PIGX: variants seen among roughly 807,000 people sequenced by gnomAD.
PIGX encodes the protein GPI alpha-1,4-mannosyltransferase I, stabilizing subunit.
PIGX carries 24 observed loss-of-function variants against 28.7 expected under a neutral mutation model. The ratio of observed to expected loss-of-function variants is 0.84; its 90% CI spans 0.60 to 1.17. PIGX has a LOEUF of 1.17. PIGX is among the 50% of genes most tolerant of loss of function. The pLI is 0.00. For missense variants in PIGX, 305 were observed against 317.8 expected (o/e 0.96, Z 0.31); for synonymous variants, 127 against 121.0 (o/e 1.05, Z -0.33).
chr3:196,712,701 C>A, intron 1 of PIGX, 57 bp downstream of exon 1: 1 of 1,159,192 alleles, frequency 8.6e-7, no homozygotes, highest in Non-Finnish European at 1.1e-6. Flanking sequence ...GCTCCCGGGC[C>A]TCTCGGCGGG....
chr3:196,717,371 T>A (rs1712143067), intron 2 of PIGX, among the ~76,000 whole-genome samples: 1 of 152,082 alleles, frequency 6.6e-6, no homozygotes, highest in Non-Finnish European at 1.5e-5. Context: ...GTTCACACTT[T>A]GAAATAATGA....
rs1208192634 is a variant in PIGX at position 196,732,218 on chromosome 3, A to ATTTT, written c.633+1127_633+1128insTTTT. Among the ~76,000 whole-genome samples, 5 of 15,872 alleles carry ATTTT rather than the reference A, an allele frequency of 3.2e-4. 1 individual carries two copies. The highest frequency in any genetic ancestry group is 5.1e-4 in the Non-Finnish European group (5 of 9,748). The allele number at this position is 15,872 out of a possible 152,430, so 10.4% of individuals were successfully genotyped here. A position where few individuals can be genotyped will look rare whatever the true frequency, so the allele number is the denominator to read the frequency against. ...TTTTAACTATATGTATATATTATTTATATATATATATATATATATATATAT... is the reference window on the plus strand; with the variant it reads ...TTTTAACTATATGTATATATTATTTATTTTTATATATATATATATATATATATAT... On this transcript the variant is annotated intron_variant, in intron 5 of 5. Transcript: ENST00000392391.
intron 1 of PIGX, among the ~76,000 whole-genome samples, chr3:196,715,555 T>C (rs1328837527): frequency 1.3e-5 from 2 of 152,270 alleles, no homozygotes; most frequent in East Asian, 3.8e-4. Context: ...TTTTCATTCC[T>C]TCAAATAGTT....
chr3:196,724,175 T>G (rs531691894), intron 3 of PIGX, among the ~76,000 whole-genome samples: 1 of 151,946 alleles, frequency 6.6e-6, no homozygotes, highest in Non-Finnish European at 1.5e-5. Context: ...CCACCATGCC[T>G]GGCTAATTTT....
intron 3 of PIGX, among the ~76,000 whole-genome samples, chr3:196,726,407 A>T (rs1712523343): frequency 6.6e-6 from 1 of 152,210 alleles, no homozygotes; most frequent in African/African-American, 2.4e-5. Context: ...TTGAGGCTGC[A>T]GTGCACCCTG....
intron 3 of PIGX, among the ~76,000 whole-genome samples, chr3:196,723,022 G>A (rs1167485435): frequency 6.6e-6 from 1 of 152,184 alleles, no homozygotes; most frequent in Admixed American, 6.5e-5. Flanking sequence ...TAACAACCCT[G>A]GAGGTGGAAT....
At chr3:196,714,498 T>C (rs922694919) in intron 1 of PIGX, among the ~76,000 whole-genome samples, 1 of 149,078 alleles carries the variant, frequency 6.7e-6, no homozygotes, top group Non-Finnish European at 1.5e-5. Flanking sequence ...GGAGTCTTGC[T>C]CTCTTGCCAG....
intron 5 of PIGX, among the ~76,000 whole-genome samples, chr3:196,732,216 TTA>T (rs1175656364): frequency 0.037 from 1,915 of 51,230 alleles, 46 homozygotes; most frequent in South Asian, 0.056. Flanking sequence ...TATATATTAT[TTA>T]TATATATATA....
At chr3:196,723,329 A>G (rs1199504584) in intron 3 of PIGX, among the ~76,000 whole-genome samples, 2 of 152,228 alleles carry the variant, frequency 1.3e-5, no homozygotes, top group Non-Finnish European at 2.9e-5. Flanking sequence ...TGACAGAATG[A>G]GACTTTGTCT....
At chr3:196,732,344 C>T (rs556057951) in intron 5 of PIGX, among the ~76,000 whole-genome samples, 5 of 142,522 alleles carry the variant, frequency 3.5e-5, no homozygotes, top group Admixed American at 7.2e-5. Context: ...TGCAGTGGCA[C>T]GATCTCGGCT....
In PIGX at chr3:196,730,958, G is replaced by GT. The variant is rs368094399; in HGVS notation, c.533-30dup. The GT allele has an allele frequency of 4.5e-5, 59 of 1,317,526 alleles. 1 individual carries two copies. The African/African-American group carries it at 4.9e-4, about 11-fold the overall frequency. 81.6% of individuals were successfully genotyped at this position (1,317,526 alleles called of 1,614,324 possible). A position where few individuals can be genotyped will look rare whatever the true frequency, so the allele number is the denominator to read the frequency against. The stretch of plus-strand genomic sequence containing the variant: ...AGCCTAGCTTTCAGTCCAAATACAG[G>GT]TTTTCTGACATCATTTTCTACCACT... On this transcript the variant is annotated intron_variant, in intron 4 of 5. Transcript: ENST00000392391.
Position 196,730,993 on chromosome 3 carries a change from G to C in PIGX, c.534G>C (p.Glu178Asp). 1 of 1,601,528 alleles carries C rather than the reference G, an allele frequency of 6.2e-7. No individual in the cohort carries two copies. The highest frequency in any genetic ancestry group is 8.6e-7 in the Non-Finnish European group (1 of 1,169,400). ...ATCATTTTCTACCACTTTTCTCAGA[G>C]TTCCCGATTTTGAAATGCTGGGCTC... Residue 178 changes from glutamate (E) to aspartate (D), a missense_variant and splice_region_variant, in exon 5 of 6, where the codon GAG becomes GAC. Transcript: ENST00000392391.
Position 196,733,761 on chromosome 3 carries a change from A to G in PIGX, c.636A>G (p.Val212=). The G allele has an allele frequency of 1.3e-6, 2 of 1,591,584 alleles. No homozygotes were observed. Among genetic ancestry groups the G allele is most frequent in the South Asian group, 1.1e-5 (1 of 90,576 alleles). The stretch of plus-strand genomic sequence containing the variant: ...AACTTCTCTCTCTCTCTCCATAGGT[A>G]TATAAGAATGTGATTCTACAAGTTC... Residue 212 remains valine, a splice_region_variant and synonymous_variant, in exon 6 of 6, where the codon GTA becomes GTG. Transcript: ENST00000392391. The surrounding 1 kb of genome is among the most constrained non-coding windows in gnomAD (Gnocchi z 4.3).
chr3:196,732,173 T>G (rs1712786890), intron 5 of PIGX, among the ~76,000 whole-genome samples: 1 of 143,298 alleles, frequency 7.0e-6, no homozygotes, highest in Non-Finnish European at 1.5e-5. Context: ...GTCATAATAA[T>G]TTAACACTTT....
rs1157229559 is a variant in PIGX at position 196,728,016 on chromosome 3, T to C, written c.412T>C (p.Cys138Arg). 6.2e-7 allele frequency: 1 copy of C among 1,614,056 alleles called. No homozygotes were observed. Residue 138 changes from cysteine to arginine, a missense_variant, in exon 4 of 6, where the codon TGC becomes CGC. Coordinates refer to ENST00000392391, the MANE Select transcript of PIGX (RefSeq NM_017861.4). Reference sequence around the variant, plus strand: ...CATTTATGCCAGACGAGATTCACAGTGCATTGACTGTTTTCAAGCCTTTTT... The same window carrying C: ...CATTTATGCCAGACGAGATTCACAGCGCATTGACTGTTTTCAAGCCTTTTT...
At chr3:196,725,706 G>A (rs1228026316) in intron 3 of PIGX, among the ~76,000 whole-genome samples, 3 of 151,982 alleles carry the variant, frequency 2.0e-5, no homozygotes, top group African/African-American at 4.8e-5. Flanking sequence ...CAAAATGAGC[G>A]GTAACAGTGT....
At chr3:196,732,221 TATATA>T (rs1560080474) in intron 5 of PIGX, among the ~76,000 whole-genome samples, 247 of 23,060 alleles carry the variant, frequency 0.011, 10 homozygotes, top group African/African-American at 0.03. Flanking sequence ...ATTATTTATA[TATATA>T]TATATATATA....
chr3:196,733,700 A>T lies in PIGX; in HGVS notation c.634-59A>T. The T allele has an allele frequency of 7.7e-7, 1 of 1,300,258 alleles. No individual in the cohort carries two copies. The highest frequency in any genetic ancestry group is 1.1e-6 in the Non-Finnish European group (1 of 905,176). 80.5% of individuals were successfully genotyped at this position (1,300,258 alleles called of 1,614,324 possible). A position where few individuals can be genotyped will look rare whatever the true frequency, so the allele number is the denominator to read the frequency against. On this transcript the variant is annotated intron_variant, in intron 5 of 5. Transcript: ENST00000392391. The surrounding 1 kb of genome is among the most constrained non-coding windows in gnomAD (Gnocchi z 4.3). ...AGTGCTGGGATTACAGGCATGAGCTACCACACCGGGCCCATGACATGCATT... is the reference window on the plus strand; with the variant it reads ...AGTGCTGGGATTACAGGCATGAGCTTCCACACCGGGCCCATGACATGCATT...
At chr3:196,730,595 A>G (rs541173466) in intron 4 of PIGX, among the ~76,000 whole-genome samples, 42 of 151,916 alleles carry the variant, frequency 2.8e-4, no homozygotes, top group Non-Finnish European at 5.4e-4. Context: ...TAAAAATACA[A>G]AAATTAGCTG....
Sources: allele counts gnomAD v4.1 joint callset (sites outside exome capture counted in the v4.1 genomes callset), GRCh38; gene constraint gnomAD v4.1.1; non-coding constraint Gnocchi (gnomAD v3.1); transcripts MANE v1.5; gene names NCBI Gene and HGNC (gene_info 2026-07-23, HGNC 2026-07-21).